The following COG1 variants were observed in gnomAD, a reference collection of about 807,000 sequenced individuals.
COG1 encodes component of oligomeric golgi complex 1.
In COG1, 61 loss-of-function variants were observed where a neutral mutation model predicts 102.2. That is an observed-to-expected ratio of 0.60 (90% confidence interval 0.49 to 0.74). The LOEUF is 0.74. Ranked by LOEUF, COG1 falls within the 30% of genes least tolerant of loss-of-function variation. COG1 has a pLI of 0.00. For synonymous variants in COG1, 454 were observed against 493.6 expected (o/e 0.92, Z 1.06); for missense variants, 1,164 against 1,232.1 (o/e 0.94, Z 0.83).
In COG1 at chr17:73,196,593, G is replaced by A. The variant is rs765699770; in HGVS notation, c.402G>A (p.Ser134=). 8.1e-5 allele frequency: 131 copies of A among 1,614,086 alleles called. No homozygotes were observed. The highest frequency in any genetic ancestry group is 1.6e-4 in the Middle Eastern group (1 of 6,084). ...AAATTCCGGAGAAGATCTGGAGCTC[G>A]ATGGAAGCCTCTCAGTGTCTCCACG... is the stretch of plus-strand genomic sequence containing the variant. ...LLEIPEKIWS[S]MEASQCLHAT... The change falls in exon 2 of 14, where the codon TCG becomes TCA. Residue 134 remains serine (S), a synonymous_variant. Transcript: ENST00000299886.
intron 1 of COG1, among the ~76,000 whole-genome samples, chr17:73,194,095 G>A (rs768020248): frequency 2.6e-5 from 4 of 152,096 alleles, no homozygotes; most frequent in Non-Finnish European, 4.4e-5. Context: ...AATGAGGAAG[G>A]ATGGGAGGTA....
rs1298135305 is a variant in COG1 at position 73,206,261 on chromosome 17, C to T, written c.2618C>T (p.Ser873Phe). ...CTTCATCGCCTGGTGCAGCGAACTT[C>T]TGTGAGTCAAATCAAAAACATGCTT... ...SNLHRLVQRT[S>F]VLFGLVTGTE... The change falls in exon 11 of 14, where the codon TCT becomes TTT. Residue 873 changes from serine to phenylalanine, a missense_variant and splice_region_variant. Physicochemically the swap from Ser to Phe is radical, Grantham distance 155. Transcript: ENST00000299886. 1.2e-6 allele frequency: 2 copies of T among 1,613,160 alleles called. No homozygotes were observed. The highest frequency in any genetic ancestry group is 3.3e-5 in the Admixed American group (2 of 60,016).
intron 8 of COG1, 55 bp from the exon 9 acceptor site, chr17:73,203,577 T>C (rs2061355732): frequency 6.2e-7 from 1 of 1,601,584 alleles, no homozygotes; most frequent in Admixed American, 1.7e-5. Flanking sequence ...TCACTTTCAC[T>C]GTGTGTCATT....
Position 73,201,798 on chromosome 17 carries a change from T to C in COG1, c.1971T>C (p.Thr657=), listed in dbSNP as rs749440036. ...TGAGAAAACAGGGAAAGGTGAAAAC[T>C]CAGGAAATCATTCCTACACAGGCCA... ...RALRKQGKVK[T]QEIIPTQAKW... is the part of the protein sequence containing the mutation. Residue 657 remains threonine, a synonymous_variant, in exon 7 of 14, where the codon ACT becomes ACC. Transcript: ENST00000299886. The C allele has an allele frequency of 2.5e-6, 4 of 1,614,044 alleles. No individual in the cohort carries two copies. The highest frequency in any genetic ancestry group is 3.4e-6 in the Non-Finnish European group (4 of 1,180,012).
chr17:73,193,119 A>C lies in COG1; in HGVS notation c.50A>C (p.Asp17Ala), dbSNP rs1381566085. Residue 17 changes from aspartate (D) to alanine (A), a missense_variant, in exon 1 of 14, where the codon GAC becomes GCC. Transcript: ENST00000299886. The part of the protein sequence containing the change: ...SPALKRLDLR[D>A]PAALFETHGA... Reference sequence around the variant, plus strand: ...GCGCTGAAGCGGCTGGATCTGCGCGACCCTGCGGCTCTTTTCGAGACGCAT... The same window carrying C: ...GCGCTGAAGCGGCTGGATCTGCGCGCCCCTGCGGCTCTTTTCGAGACGCAT... 5 of 1,611,250 alleles carry C rather than the reference A, an allele frequency of 3.1e-6. No individual in the cohort carries two copies. In the Admixed American group the frequency reaches 5.0e-5, roughly 16 times the overall value.
At chr17:73,198,436 AT>A in intron 4 of COG1, among the ~76,000 whole-genome samples, 1 of 152,188 alleles carries the variant, frequency 6.6e-6, no homozygotes, top group East Asian at 1.9e-4. Flanking sequence ...AAAGATAAAC[AT>A]TTGCTGTGTG....
rs1051831282 is a variant in COG1 at position 73,196,742 on chromosome 17, G to C, written c.551G>C (p.Ser184Thr). The C allele has an allele frequency of 1.2e-6, 2 of 1,614,122 alleles. No homozygotes were observed. Among genetic ancestry groups the C allele is most frequent in the Non-Finnish European group, 1.7e-6 (2 of 1,180,040 alleles). ...PILIRQVAAA[S>T]HFRSTILHES... ...CTCATCCGGCAGGTGGCAGCCGCCA[G>C]CCACTTCCGGTAAGTGGATCCAGCG... is the stretch of plus-strand genomic sequence containing the variant. The change falls in exon 2 of 14, where the codon AGC (serine) becomes ACC (threonine). Residue 184 changes from serine to threonine, a missense_variant. Physicochemically the swap from Ser to Thr is moderately conservative, Grantham distance 58 (BLOSUM62 1). Transcript: ENST00000299886.
At position 73,197,077 on chromosome 17, in the gene COG1, C is replaced by T. The variant is rs757568008; in HGVS notation, c.738C>T (p.His246=). Residue 246 remains histidine (H), a synonymous_variant, in exon 3 of 14, where the codon CAC becomes CAT. Coordinates refer to ENST00000299886, the MANE Select transcript of COG1 (RefSeq NM_018714.3). ...ATIQKLLNQP[H]HGAGIKAQIC... Reference sequence around the variant, plus strand: ...TTCAGAAACTTCTCAACCAGCCACACCATGGTGGGTGTGGCTTCTGGCCAA... The same window carrying T: ...TTCAGAAACTTCTCAACCAGCCACATCATGGTGGGTGTGGCTTCTGGCCAA... 1 of 1,614,172 alleles carries T rather than the reference C, an allele frequency of 6.2e-7. No homozygotes were observed. Among genetic ancestry groups the T allele is most frequent in the East Asian group, 2.2e-5 (1 of 44,876 alleles).
Position 73,200,684 on chromosome 17 carries a change from C to G in COG1, c.1189C>G (p.His397Asp). The change falls in exon 6 of 14, where the codon CAC (histidine) becomes GAC (aspartate). Residue 397 changes from histidine to aspartate, a missense_variant. Transcript: ENST00000299886. The part of the protein sequence containing the change: ...WELLTNESTN[H>D]SWDVLCRRLL... ...GTTACTTACCAATGAGTCCACCAAT[C>G]ACAGCTGGGATGTGCTATGTCGGCG... is the stretch of plus-strand genomic sequence containing the variant. 4 of 1,614,190 alleles carry G rather than the reference C, an allele frequency of 2.5e-6. No individual in the cohort carries two copies. Among genetic ancestry groups the G allele is most frequent in the Non-Finnish European group, 3.4e-6 (4 of 1,180,018 alleles).
rs756535197 is a variant in COG1 at position 73,203,673 on chromosome 17, G to C, written c.2262G>C (p.Gln754His). 52 of 1,614,108 alleles carry C rather than the reference G, an allele frequency of 3.2e-5. No individual in the cohort carries two copies. The South Asian group carries it at 5.0e-4, about 16-fold the overall frequency. Residue 754 changes from glutamine (Q) to histidine (H), a missense_variant, in exon 9 of 14, where the codon CAG becomes CAC. Physicochemically the swap from Gln to His is conservative, Grantham distance 24. Transcript: ENST00000299886. ...YVQSFLFSLC[Q>H]EINRVGGHAL... is the part of the protein sequence containing the mutation. ...AGTCCTTCCTGTTTAGTTTATGCCA[G>C]GAAATTAATCGGGTTGGAGGCCATG...
At chr17:73,207,155 C>T (rs1307020692) in intron 12 of COG1, 26 bp from the exon 13 acceptor site, 5 of 1,571,710 alleles carry the variant, frequency 3.2e-6, no homozygotes, top group South Asian at 1.1e-5. Flanking sequence ...GTTTGTGCTA[C>T]TAAATTCTTT....
At chr17:73,208,082 C>T in intron 13 of COG1, 1 of 1,423,496 alleles carries the variant, frequency 7.0e-7, no homozygotes, top group Non-Finnish European at 9.2e-7. Flanking sequence ...CTGTGTCTAC[C>T]CTTTTCCCAA....
At chr17:73,195,337 A>G (rs2061321219) in intron 1 of COG1, among the ~76,000 whole-genome samples, 1 of 152,224 alleles carries the variant, frequency 6.6e-6, no homozygotes, top group African/African-American at 2.4e-5. Context: ...ATTTAGAATA[A>G]CAGGTCAGGC....
intron 10 of COG1, 100 bp downstream of exon 10, chr17:73,205,780 T>C (rs1026086468): frequency 1.1e-5 from 16 of 1,451,466 alleles, no homozygotes; most frequent in Non-Finnish European, 1.5e-5. Flanking sequence ...ATACTGCACA[T>C]TCATTGTGTT....
chr17:73,203,488 G>A (rs2061355378), intron 8 of COG1, 144 bp from the exon 9 acceptor site: 2 of 1,002,012 alleles, frequency 2.0e-6, no homozygotes, highest in African/African-American at 3.2e-5. Flanking sequence ...CCTTGTGTCT[G>A]CTGAACAGTC....
At chr17:73,205,441 C>T in intron 9 of COG1, 112 bp from the exon 10 acceptor site, 1 of 1,138,732 alleles carries the variant, frequency 8.8e-7, no homozygotes, top group South Asian at 1.2e-5. Context: ...GCATTAAAAC[C>T]ATCTGCTTCT....
chr17:73,201,187 A>G lies in COG1; in HGVS notation c.1360A>G (p.Ser454Gly), dbSNP rs779485368. ...GGTTTCAGCTTTGCAGGAACTTGAA[A>G]GCAGCACCAGCAACTCCCCTTCAAA... ...LLVSALQELE[S>G]STSNSPSNKH... Residue 454 changes from serine to glycine, a missense_variant, in exon 7 of 14, where the codon AGC (serine) becomes GGC (glycine). Ser to Gly is a moderately conservative substitution (Grantham distance 56). Coordinates refer to ENST00000299886, the MANE Select transcript of COG1 (RefSeq NM_018714.3). 1 of 1,614,226 alleles carries G rather than the reference A, an allele frequency of 6.2e-7. No homozygotes were observed. Among genetic ancestry groups the G allele is most frequent in the Non-Finnish European group, 8.5e-7 (1 of 1,180,042 alleles).
intron 1 of COG1, 52 bp from the exon 2 acceptor site, chr17:73,196,453 ACT>A (rs2061325236): frequency 6.2e-7 from 1 of 1,613,428 alleles, no homozygotes; most frequent in African/African-American, 1.3e-5. Flanking sequence ...CCTACAGAAC[ACT>A]GAGATTGCTT....
chr17:73,206,368 G>A (rs1223499081), intron 11 of COG1, 106 bp downstream of exon 11: 1 of 907,574 alleles, frequency 1.1e-6, no homozygotes, highest in African/African-American at 1.6e-5. Flanking sequence ...GCATAGGGAG[G>A]GGAATAAGAC....
Sources: gnomAD v4.1 joint callset for allele counts (sites outside exome capture counted in the v4.1 genomes callset) on GRCh38, gnomAD v4.1.1 for gene constraint, MANE v1.5 for transcripts, NCBI Gene and HGNC (gene_info 2026-07-23, HGNC 2026-07-21) for gene names.